ASPM: variants seen among roughly 807,000 people sequenced by gnomAD.
ASPM encodes the protein abnormal spindle-like microcephaly-associated protein.
ASPM carries 256 observed loss-of-function variants against 366.4 expected under a neutral mutation model. That is an observed-to-expected ratio of 0.70 (90% confidence interval 0.63 to 0.77). The LOEUF (loss-of-function observed/expected upper bound fraction) is 0.77, where lower values mean the gene tolerates loss of function less well. ASPM is among the 30% of genes least tolerant of loss of function. The pLI is 0.00. For missense variants in ASPM, 4,146 were observed against 4,090.4 expected, an observed-to-expected ratio of 1.01 and a Z score of -0.37; for synonymous variants, 1,414 against 1,342.9, an observed-to-expected ratio of 1.05 and a Z score of -1.16.
chr1:197,100,903 TGA>T lies in ASPM; in HGVS notation c.8346_8347del (p.Gln2783ValfsTer2). ...ACCTTCACTTTGAACAGCTTCATAC[TGA>T]GTTTTACTTCTGTAACAGCAGAGTG... On this transcript the variant is annotated frameshift_variant, in exon 18 of 28. Transcript: ENST00000367409. LOFTEE classifies it high-confidence loss of function. 2 of 1,612,724 alleles carry T rather than the reference TGA, an allele frequency of 1.2e-6. No homozygotes were observed. Among genetic ancestry groups the T allele is most frequent in the East Asian group, 2.2e-5 (1 of 44,816 alleles).
At chr1:197,119,551 G>A (rs1160949674) in intron 16 of ASPM, among the ~76,000 whole-genome samples, 1 of 152,096 alleles carries the variant, frequency 6.6e-6, no homozygotes, top group Non-Finnish European at 1.5e-5. Context: ...TAAATTAGAA[G>A]AGGCAAATAT....
At chr1:197,118,773 GTTTATTGGTAA>G (rs1657818063) in intron 16 of ASPM, among the ~76,000 whole-genome samples, 1 of 152,124 alleles carries the variant, frequency 6.6e-6, no homozygotes, top group Admixed American at 6.6e-5. Flanking sequence ...TAGCTTGTTA[GTTTATTGGTAA>G]TATAGCCAGG....
rs748850676 is a variant in ASPM, at chr1:197,094,172, T to A, written c.8996A>T (p.Asn2999Ile). ...AATGATAATTGCTGATGCTCTCACA[T>A]TCAAAAACCTAAAAAGTAGTTATTG... ...YTKLERTRFL[N>I]VRASAIIIQR... is the part of the protein sequence containing the mutation. Residue 2999 changes from asparagine (N) to isoleucine (I), a missense_variant, in exon 20 of 28, where the codon AAT becomes ATT. Around this residue, in one of 3 missense-constraint regions of ASPM, gnomAD observed 3,624 missense variants for 3,591.7 expected, o/e 1.01. Coordinates refer to ENST00000367409, the MANE Select transcript of ASPM (RefSeq NM_018136.5). 1.9e-6 allele frequency: 3 copies of A among 1,601,094 alleles called. No homozygotes were observed. The highest frequency in any genetic ancestry group is 2.6e-6 in the Non-Finnish European group (3 of 1,170,912).
chr1:197,132,195 A>C, intron 7 of ASPM, 90 bp downstream of exon 7: 1 of 1,050,366 alleles, frequency 9.5e-7, no homozygotes, highest in Non-Finnish European at 1.4e-6. Flanking sequence ...AACTTTTATA[A>C]GTAAAACTAC....
Position 197,133,633 on chromosome 1 carries a change from C to T in ASPM, c.2174-38G>A, listed in dbSNP as rs200268423. On this transcript the variant is annotated intron_variant, in intron 5 of 27. Coordinates refer to ENST00000367409, the MANE Select transcript of ASPM (RefSeq NM_018136.5). ...AAAAGAAAGAATGTTTCTGGTTAAACAATATCTCTACATATTCTTAAATCC... is the reference window on the plus strand; with the variant it reads ...AAAAGAAAGAATGTTTCTGGTTAAATAATATCTCTACATATTCTTAAATCC... 964 of 1,598,098 alleles carry T rather than the reference C, an allele frequency of 6.0e-4. 11 individuals carry two copies. In the South Asian group the frequency reaches 8.8e-3, roughly 15 times the overall value.
chr1:197,093,355 A>T, intron 20 of ASPM, 94 bp from the exon 21 acceptor site: 1 of 989,252 alleles, frequency 1.0e-6, no homozygotes. Flanking sequence ...GAGATGGCAT[A>T]ATTATGATTT....
intron 17 of ASPM, among the ~76,000 whole-genome samples, chr1:197,107,046 T>A (rs1394312033): frequency 6.6e-6 from 1 of 152,024 alleles, no homozygotes; most frequent in Non-Finnish European, 1.5e-5. Flanking sequence ...ATGGAAAGAA[T>A]GCAGTAGAGC....
Position 197,086,801 on chromosome 1 carries a change from A to G in ASPM, c.10331+2T>C, listed in dbSNP as rs763167308. 1.2e-6 allele frequency: 2 copies of G among 1,601,214 alleles called. No homozygotes were observed. The highest frequency in any genetic ancestry group is 1.7e-6 in the Non-Finnish European group (2 of 1,168,818). On this transcript the variant is annotated splice_donor_variant, in intron 27 of 27. Coordinates refer to ENST00000367409, the MANE Select transcript of ASPM (RefSeq NM_018136.5). LOFTEE classifies it high-confidence loss of function. ...ATTTATGGACTATATTTAATTGCTTACCTTGAAACTATTCTGGTCCTTACA... is the reference window on the plus strand; with the variant it reads ...ATTTATGGACTATATTTAATTGCTTGCCTTGAAACTATTCTGGTCCTTACA...
chr1:197,146,019 C>T, intron 1 of ASPM, 122 bp downstream of exon 1: 2 of 1,294,590 alleles, frequency 1.5e-6, no homozygotes, highest in Non-Finnish European at 2.2e-6. Context: ...AGGGAACTGA[C>T]TTTATTCTCT....
intron 18 of ASPM, 123 bp from the exon 19 acceptor site, chr1:197,096,287 A>G: frequency 4.8e-6 from 4 of 828,712 alleles, no homozygotes; most frequent in South Asian, 1.5e-5. Context: ...TTGCATAGTC[A>G]TATCATGACT....
chr1:197,090,653 T>G (rs1656749481), intron 23 of ASPM, among the ~76,000 whole-genome samples, 197 bp downstream of exon 23: 1 of 152,132 alleles, frequency 6.6e-6, no homozygotes, highest in African/African-American at 2.4e-5. Flanking sequence ...TTTTACTTCT[T>G]GATTATAAAC....
chr1:197,103,126 T>C lies in ASPM; in HGVS notation c.6125A>G (p.Asp2042Gly), dbSNP rs150327858. Residue 2042 changes from aspartate (D) to glycine (G), a missense_variant, in exon 18 of 28, where the codon GAT becomes GGT. Physicochemically the swap from Asp to Gly is moderately conservative, Grantham distance 94. This residue lies in a region of ASPM where 3,624 missense variants were observed against 3,591.7 expected (regional missense o/e 1.01). Coordinates refer to ENST00000367409, the MANE Select transcript of ASPM (RefSeq NM_018136.5). ...RGMKVRKRIK[D>G]CNKAAVTIQS... is the part of the protein sequence containing the mutation. Reference sequence around the variant, plus strand: ...TATAGTGACTGCTGCTTTGTTGCAATCCTTTATTCTTTTTCTCACTTTCAT... The same window carrying C: ...TATAGTGACTGCTGCTTTGTTGCAACCCTTTATTCTTTTTCTCACTTTCAT... 308 of 1,612,834 alleles carry C rather than the reference T, an allele frequency of 1.9e-4. No homozygotes were observed. The African/African-American group carries it at 3.2e-3, about 17-fold the overall frequency.
At chr1:197,144,173 T>C in intron 1 of ASPM, 73 bp from the exon 2 acceptor site, 1 of 1,052,962 alleles carries the variant, frequency 9.5e-7, no homozygotes, top group Non-Finnish European at 1.5e-6. Context: ...ATATACAACT[T>C]ACAATATAGT....
rs899954991 is a variant in ASPM, at chr1:197,143,779, T to G, written c.473A>C (p.Lys158Thr). The G allele has an allele frequency of 3.1e-6, 5 of 1,611,888 alleles. No homozygotes were observed. Among genetic ancestry groups the G allele is most frequent in the Non-Finnish European group, 4.2e-6 (5 of 1,179,502 alleles). ...RSLWDTIKKKKISASTSHNRR... is the reference protein window; with the variant it reads ...RSLWDTIKKKTISASTSHNRR... Reference sequence around the variant, plus strand: ...GTTGTGACTTGTAGAGGCTGAAATTTTCTTCTTTTTAATGGTATCCCAAAG... The same window carrying G: ...GTTGTGACTTGTAGAGGCTGAAATTGTCTTCTTTTTAATGGTATCCCAAAG... Residue 158 changes from lysine to threonine, a missense_variant, in exon 3 of 28, where the codon AAA becomes ACA. Physicochemically the swap from Lys to Thr is moderately conservative, Grantham distance 78. Coordinates refer to ENST00000367409, the MANE Select transcript of ASPM (RefSeq NM_018136.5).
chr1:197,102,755 T>C lies in ASPM; in HGVS notation c.6496A>G (p.Ile2166Val), dbSNP rs775966201. 4 of 1,612,658 alleles carry C rather than the reference T, an allele frequency of 2.5e-6. No homozygotes were observed. The highest frequency in any genetic ancestry group is 3.4e-6 in the Non-Finnish European group (4 of 1,179,280). ...TGAAGGACTTTAACAGCTTTCAAAA[T>C]TGTCAGGTACTTTTCACGCTGCATT... ...GKMQREKYLT[I>V]LKAVKVLQAS... The change falls in exon 18 of 28, where the codon ATT becomes GTT. Residue 2166 changes from isoleucine to valine, a missense_variant. Coordinates refer to ENST00000367409, the MANE Select transcript of ASPM (RefSeq NM_018136.5).
In ASPM at chr1:197,146,385, C is replaced by T. The variant is rs1658785101; in HGVS notation, c.53G>A (p.Arg18Gln). ...GCCCCGCAGCCCCGCGGGCGGCCTC[C>T]GCTCGGTCGGGCTCACTTCCCAGCA... ...RGCWEVSPTE[R>Q]RPPAGLRGPA... The change falls in exon 1 of 28, where the codon CGG becomes CAG. Residue 18 changes from arginine to glutamine, a missense_variant. Physicochemically the swap from Arg to Gln is conservative, Grantham distance 43. This residue lies in a region of ASPM where 512 missense variants were observed against 471.7 expected (regional missense o/e 1.09). Transcript: ENST00000367409. 5 of 1,609,802 alleles carry T rather than the reference C, an allele frequency of 3.1e-6. No individual in the cohort carries two copies. The highest frequency in any genetic ancestry group is 4.2e-6 in the Non-Finnish European group (5 of 1,179,218).
Position 197,093,076 on chromosome 1 carries a change from C to T in ASPM, c.9270G>A (p.Val3090=). 1.2e-6 allele frequency: 2 copies of T among 1,611,334 alleles called. No homozygotes were observed. The highest frequency in any genetic ancestry group is 2.2e-5 in the East Asian group (1 of 44,780). ...CTCTTTTTCGTACTAGCCAACCACG[C>T]ACCAGTGCTTGTAGGATAACTGTAG... ...KKSTVILQAL[V]RGWLVRKRFL... Residue 3090 remains valine, a synonymous_variant, in exon 21 of 28, where the codon GTG becomes GTA. Coordinates refer to ENST00000367409, the MANE Select transcript of ASPM (RefSeq NM_018136.5).
At chr1:197,117,155 C>T (rs1657760541) in intron 17 of ASPM, among the ~76,000 whole-genome samples, 1 of 151,944 alleles carries the variant, frequency 6.6e-6, no homozygotes, top group South Asian at 2.1e-4. Flanking sequence ...GACACAAAAA[C>T]TTTCAAATTC....
chr1:197,093,061 T>C lies in ASPM; in HGVS notation c.9285A>G (p.Val3095=), dbSNP rs1208163977. 1.2e-6 allele frequency: 2 copies of C among 1,607,598 alleles called. No individual in the cohort carries two copies. The highest frequency in any genetic ancestry group is 1.7e-6 in the Non-Finnish European group (2 of 1,175,010). The change falls in exon 21 of 28, where the codon GTA becomes GTG. Residue 3095 remains valine (V), a synonymous_variant. Transcript: ENST00000367409. Reference sequence around the variant, plus strand: ...ACTTGAAAATACTTACTCTTTTTCGTACTAGCCAACCACGCACCAGTGCTT... The same window carrying C: ...ACTTGAAAATACTTACTCTTTTTCGCACTAGCCAACCACGCACCAGTGCTT... ...ILQALVRGWL[V]RKRFLEQRAK... is the part of the protein sequence containing the mutation.
Sources: allele counts gnomAD v4.1 joint callset (sites outside exome capture counted in the v4.1 genomes callset), GRCh38; gene constraint gnomAD v4.1.1; regional missense constraint gnomAD v4.1.1; transcripts MANE v1.5; gene names NCBI Gene and HGNC (gene_info 2026-07-23, HGNC 2026-07-21).